The following IPO8 variants were observed in gnomAD, a reference collection of about 807,000 sequenced individuals.
IPO8 encodes importin-8.
Under a neutral mutation model 141.2 loss-of-function variants are expected in IPO8, and 65 were observed. That is an observed-to-expected ratio of 0.46 (90% CI 0.38 to 0.57). The LOEUF is 0.57. Ranked by LOEUF, IPO8 falls within the 20% of genes least tolerant of loss-of-function variation. The pLI, the probability that IPO8 is intolerant of heterozygous loss-of-function variation, is 0.00. For synonymous variants in IPO8, 411 were observed against 420.3 expected (o/e 0.98, Z 0.27); for missense variants, 980 against 1,246.8 (o/e 0.79, Z 3.22).
At chr12:30,647,558 T>C (rs1263655493) in intron 20 of IPO8, among the ~76,000 whole-genome samples, 2 of 136,548 alleles carry the variant, frequency 1.5e-5, no homozygotes, top group Non-Finnish European at 3.0e-5. Flanking sequence ...TGAGCCAAGA[T>C]TGTGCCACTG....
intron 22 of IPO8, among the ~76,000 whole-genome samples, chr12:30,635,658 C>A (rs2052491354): frequency 6.6e-6 from 1 of 151,852 alleles, no homozygotes; most frequent in Admixed American, 6.6e-5. Context: ...TGGAGTAAAC[C>A]CAAACCAGGT....
At chr12:30,660,352 T>C (rs746279632) in intron 16 of IPO8, among the ~76,000 whole-genome samples, 3 of 152,258 alleles carry the variant, frequency 2.0e-5, no homozygotes, top group East Asian at 1.9e-4. Flanking sequence ...AAAATCTAAT[T>C]TGAGTTAAGG....
chr12:30,639,071 C>G (rs2052542880), intron 21 of IPO8, among the ~76,000 whole-genome samples: 1 of 152,128 alleles, frequency 6.6e-6, no homozygotes, highest in Non-Finnish European at 1.5e-5. Flanking sequence ...CCTTCTGACT[C>G]CACTTTTGAG....
intron 20 of IPO8, among the ~76,000 whole-genome samples, chr12:30,640,091 C>A (rs1056587279): frequency 6.6e-6 from 1 of 151,804 alleles, no homozygotes; most frequent in African/African-American, 2.4e-5. Flanking sequence ...TTTTCTTTGA[C>A]AAATTAAATT....
At position 30,695,484 on chromosome 12, in the gene IPO8, G is replaced by T; in HGVS notation, c.84+80C>A. The T allele has an allele frequency of 7.8e-7, 1 of 1,274,550 alleles. No homozygotes were observed. The highest frequency in any genetic ancestry group is 1.2e-5 in the South Asian group (1 of 80,990). The allele number at this position is 1,274,550 out of a possible 1,614,324, so 79.0% of individuals were successfully genotyped here. ...CAGCCCGGTGGGGGTGAGGACGAGGGGCGCCGGGGAGAGGGAGCCCGGCCA... is the reference window on the plus strand; with the variant it reads ...CAGCCCGGTGGGGGTGAGGACGAGGTGCGCCGGGGAGAGGGAGCCCGGCCA... On this transcript the variant is annotated intron_variant, in intron 1 of 24. Coordinates refer to ENST00000256079, the MANE Select transcript of IPO8 (RefSeq NM_006390.4). This position sits in a 1 kb window ranked among gnomAD's most constrained non-coding sequence, Gnocchi z 4.2.
At chr12:30,661,093 T>C (rs74407744) in intron 16 of IPO8, 48 bp downstream of exon 16, 41,286 of 1,343,034 alleles carry the variant, frequency 0.031, 1,004 homozygotes, top group African/African-American at 0.13. Context: ...ATCACATAAA[T>C]TTCAGTTAAA....
At chr12:30,690,600 T>C (rs762305595) in intron 1 of IPO8, 23 bp from the exon 2 acceptor site, 1 of 1,344,070 alleles carries the variant, frequency 7.4e-7, no homozygotes, top group Non-Finnish European at 1.0e-6. Flanking sequence ...AGAAATGTTT[T>C]ATAAAATAGG....
At chr12:30,635,843 C>T (rs1165708520) in intron 22 of IPO8, among the ~76,000 whole-genome samples, 3 of 152,028 alleles carry the variant, frequency 2.0e-5, no homozygotes, top group Non-Finnish European at 4.4e-5. Context: ...ACTAGTTAAT[C>T]ATTCCATACT....
chr12:30,675,065 G>T (rs1011679510), intron 6 of IPO8, among the ~76,000 whole-genome samples: 17 of 152,118 alleles, frequency 1.1e-4, no homozygotes, highest in African/African-American at 3.9e-4. Context: ...TTTTTATCTG[G>T]GTGATAACAC....
chr12:30,636,774 A>G (rs1406052854), intron 22 of IPO8, among the ~76,000 whole-genome samples: 3 of 152,192 alleles, frequency 2.0e-5, no homozygotes, highest in East Asian at 1.9e-4. Context: ...ACCGCTGAGT[A>G]TATTAGGTGT....
chr12:30,629,205 C>T lies in IPO8; in HGVS notation c.*1655G>A, dbSNP rs2136118658. 6.6e-6 allele frequency: 1 copy of T among 152,284 alleles called. No individual in the cohort carries two copies. The highest frequency in any genetic ancestry group is 1.9e-4 in the East Asian group (1 of 5,186). 9.4% of individuals were successfully genotyped at this position (152,284 alleles called of 1,614,324 possible). On this transcript the variant is annotated 3_prime_UTR_variant, in exon 25 of 25. Coordinates refer to ENST00000256079, the MANE Select transcript of IPO8 (RefSeq NM_006390.4). ...AAAATAAAATCTCAAAAATCACATG[C>T]CTTTTACAATCCAGTGTGAAGGCAT... is the stretch of plus-strand genomic sequence containing the variant.
chr12:30,674,128 C>T (rs1192069001), intron 7 of IPO8, 54 bp from the exon 8 acceptor site: 13 of 1,125,286 alleles, frequency 1.2e-5, no homozygotes, highest in Non-Finnish European at 1.7e-5. Flanking sequence ...AAACAGCATG[C>T]TTGCTAATAA....
intron 20 of IPO8, among the ~76,000 whole-genome samples, chr12:30,645,584 A>G (rs1030426851): frequency 2.0e-5 from 3 of 152,176 alleles, no homozygotes; most frequent in Admixed American, 6.5e-5. Flanking sequence ...ACCAAAAGTT[A>G]GCTCTTTGAA....
intron 20 of IPO8, among the ~76,000 whole-genome samples, chr12:30,644,674 CAG>C (rs1268777867): frequency 1.4e-5 from 2 of 142,618 alleles, no homozygotes; most frequent in East Asian, 2.1e-4. Context: ...TTTTTGGAGA[CAG>C]AGGAATTTTG....
intron 14 of IPO8, among the ~76,000 whole-genome samples, chr12:30,663,068 T>C (rs2052911452): frequency 6.6e-6 from 1 of 152,168 alleles, no homozygotes. Flanking sequence ...TCACTAGAAA[T>C]ACTACTTGCT....
chr12:30,643,012 G>A (rs1380817013), intron 20 of IPO8, among the ~76,000 whole-genome samples: 2 of 152,164 alleles, frequency 1.3e-5, no homozygotes, highest in Non-Finnish European at 2.9e-5. Context: ...GATCATCTTT[G>A]GAGAATGCTA....
intron 20 of IPO8, among the ~76,000 whole-genome samples, chr12:30,647,976 AG>A (rs1301630517): frequency 6.6e-6 from 1 of 152,206 alleles, no homozygotes; most frequent in East Asian, 1.9e-4. Flanking sequence ...AAAAACACAA[AG>A]AAATTGGAAC....
Position 30,662,335 on chromosome 12 carries a change from G to T in IPO8, c.1747C>A (p.Gln583Lys). 6.2e-7 allele frequency: 1 copy of T among 1,612,828 alleles called. No homozygotes were observed. Among genetic ancestry groups the T allele is most frequent in the Middle Eastern group, 1.7e-4 (1 of 6,056 alleles). Residue 583 changes from glutamine to lysine, a missense_variant, in exon 15 of 25, where the codon CAA (glutamine) becomes AAA (lysine). Transcript: ENST00000256079. ...EVASIAVDMT[Q>K]HLAEIFGKVL... is the part of the protein sequence containing the mutation. ...AAACTGCCCGGTCTTACCAAGTGTTGGGTCATATCAACAGCAATTGAGGCT... is the reference window on the plus strand; with the variant it reads ...AAACTGCCCGGTCTTACCAAGTGTTTGGTCATATCAACAGCAATTGAGGCT...
chr12:30,660,180 G>A (rs2052865858), intron 16 of IPO8, among the ~76,000 whole-genome samples: 1 of 152,134 alleles, frequency 6.6e-6, no homozygotes. Context: ...CCAAGATCAT[G>A]CCACTGCACG....
Sources: allele counts gnomAD v4.1 joint callset (sites outside exome capture counted in the v4.1 genomes callset), GRCh38; gene constraint gnomAD v4.1.1; non-coding constraint Gnocchi (gnomAD v3.1); transcripts MANE v1.5; gene names NCBI Gene and HGNC (gene_info 2026-07-23, HGNC 2026-07-21).